The following NCALD variants were observed in gnomAD, a reference collection of about 807,000 sequenced individuals.
NCALD encodes the protein neurocalcin delta, also known as neurocalcin-delta.
NCALD carries 10 observed loss-of-function variants against 18.6 expected under a neutral mutation model. The ratio of observed to expected loss-of-function variants is 0.54; its 90% CI spans 0.33 to 0.91. The LOEUF (loss-of-function observed/expected upper bound fraction) is 0.91, where lower values mean the gene tolerates loss of function less well. Ranked by LOEUF, NCALD falls within the 40% of genes least tolerant of loss-of-function variation. NCALD has a pLI of 0.03. For missense variants in NCALD, 184 were observed against 247.6 expected (o/e 0.74, Z 1.72); for synonymous variants, 88 against 87.4 (o/e 1.01, Z -0.04).
At chr8:102,091,477 T>C (rs1824921484) in intron 1 of NCALD, among the ~76,000 whole-genome samples, 1 of 152,320 alleles carries the variant, frequency 6.6e-6, no homozygotes, top group South Asian at 2.1e-4. Flanking sequence ...GGATGGGTAA[T>C]GTAAAAATCT....
intron 1 of NCALD, among the ~76,000 whole-genome samples, chr8:101,720,160 A>T (rs1371456526): frequency 1.3e-5 from 2 of 152,210 alleles, no homozygotes; most frequent in Non-Finnish European, 2.9e-5. Flanking sequence ...ATACCTTCTG[A>T]ATATTATAAA....
intron 1 of NCALD, among the ~76,000 whole-genome samples, chr8:102,079,941 C>T (rs1177707800): frequency 1.3e-5 from 2 of 152,166 alleles, no homozygotes. Context: ...GCACATCCAG[C>T]AAAGTGCCAC....
At chr8:102,105,433 T>G (rs1432538915) in intron 1 of NCALD, among the ~76,000 whole-genome samples, 1 of 152,190 alleles carries the variant, frequency 6.6e-6, no homozygotes, top group Non-Finnish European at 1.5e-5. Flanking sequence ...GTAATTATTT[T>G]GCTGCCCGGG....
chr8:102,002,442 C>A (rs950099171), intron 2 of NCALD, among the ~76,000 whole-genome samples: 1 of 152,082 alleles, frequency 6.6e-6, no homozygotes, highest in African/African-American at 2.4e-5. Flanking sequence ...ACTTTAACAC[C>A]CCACTGTCAA....
chr8:101,968,603 G>A (rs2070292285), intron 2 of NCALD, among the ~76,000 whole-genome samples: 2 of 152,088 alleles, frequency 1.3e-5, no homozygotes, highest in Admixed American at 1.3e-4. Flanking sequence ...TGTGAAAAAT[G>A]CTTGCTGTAA....
At chr8:102,109,020 G>T (rs1825563387) in intron 1 of NCALD, among the ~76,000 whole-genome samples, 1 of 152,174 alleles carries the variant, frequency 6.6e-6, no homozygotes, top group Non-Finnish European at 1.5e-5. Context: ...TCACAGCAAT[G>T]CAGGAGTGAT....
intron 4 of NCALD, among the ~76,000 whole-genome samples, chr8:101,844,767 G>A (rs2131304672): frequency 6.6e-6 from 1 of 152,274 alleles, no homozygotes; most frequent in Middle Eastern, 3.4e-3. Context: ...CCAGAGAGCG[G>A]TGAGTTCTTA....
At chr8:102,037,724 G>A (rs192006994) in intron 1 of NCALD, among the ~76,000 whole-genome samples, 1 of 151,722 alleles carries the variant, frequency 6.6e-6, no homozygotes, top group Non-Finnish European at 1.5e-5. Flanking sequence ...AAGTATTCCT[G>A]ATAGGCCACT....
At position 101,687,292 on chromosome 8, in the gene NCALD, T is replaced by A. The variant is rs1814511331; in HGVS notation, c.*2017A>T. ...GCAGGGAAAAGTGGGATGCAGCTCC[T>A]GAGCACTGCCAATAGGGCATGCTAG... On this transcript the variant is annotated 3_prime_UTR_variant, in exon 4 of 4. Coordinates refer to ENST00000220931, the MANE Select transcript of NCALD (RefSeq NM_032041.3). 6.5e-6 allele frequency: 1 copy of A among 152,740 alleles called. No homozygotes were observed. The highest frequency in any genetic ancestry group is 6.5e-5 in the Admixed American group (1 of 15,292). The allele number at this position is 152,740 out of a possible 1,614,324, so 9.5% of individuals were successfully genotyped here.
chr8:101,905,293 C>T (rs1817573890), intron 3 of NCALD, among the ~76,000 whole-genome samples: 1 of 151,900 alleles, frequency 6.6e-6, no homozygotes, highest in East Asian at 1.9e-4. Flanking sequence ...CTCTCTCTCT[C>T]TCTCTCTCTG....
At chr8:101,963,320 A>G (rs1819901976) in intron 2 of NCALD, among the ~76,000 whole-genome samples, 1 of 152,096 alleles carries the variant, frequency 6.6e-6, no homozygotes, top group East Asian at 1.9e-4. Flanking sequence ...ACACATATCC[A>G]ATCTCCTTTT....
At chr8:101,734,307 T>G (rs183787756) in intron 1 of NCALD, among the ~76,000 whole-genome samples, 1 of 152,336 alleles carries the variant, frequency 6.6e-6, no homozygotes, top group Admixed American at 6.5e-5. Flanking sequence ...ATGCCCTCCT[T>G]GGGGAGGCCT....
chr8:101,933,808 G>T (rs1167595463), intron 2 of NCALD, among the ~76,000 whole-genome samples: 2 of 152,168 alleles, frequency 1.3e-5, no homozygotes, highest in East Asian at 3.9e-4. Flanking sequence ...GGGATAGGAT[G>T]TGCAGGAATA....
intron 2 of NCALD, among the ~76,000 whole-genome samples, chr8:101,710,662 G>C (rs1815741627): frequency 1.3e-5 from 2 of 152,222 alleles, no homozygotes; most frequent in African/African-American, 4.8e-5. Flanking sequence ...GGTTTGGACT[G>C]GGCAGAGCCC....
intron 2 of NCALD, among the ~76,000 whole-genome samples, chr8:101,951,732 C>A (rs1819431715): frequency 6.6e-6 from 1 of 152,194 alleles, no homozygotes; most frequent in South Asian, 2.1e-4. Flanking sequence ...CTTCAGTTTC[C>A]TGGGTCTCGT....
chr8:101,829,336 T>C (rs1394405292), intron 4 of NCALD, among the ~76,000 whole-genome samples: 1 of 152,186 alleles, frequency 6.6e-6, no homozygotes, highest in Admixed American at 6.5e-5. Flanking sequence ...ACAAAGAACC[T>C]GGTCTATGTA....
intron 4 of NCALD, among the ~76,000 whole-genome samples, chr8:101,862,073 T>A (rs566392): frequency 2.6e-5 from 4 of 152,072 alleles, no homozygotes; most frequent in African/African-American, 9.7e-5. Context: ...TAAACAAGAC[T>A]GTTGCATTCC....
At chr8:101,832,479 C>T (rs774249521) in intron 4 of NCALD, among the ~76,000 whole-genome samples, 4 of 152,164 alleles carry the variant, frequency 2.6e-5, no homozygotes, top group African/African-American at 7.2e-5. Flanking sequence ...GTTGGACAAT[C>T]AAAAATGATT....
At chr8:101,874,043 C>T (rs1291258192) in intron 4 of NCALD, among the ~76,000 whole-genome samples, 5 of 152,166 alleles carry the variant, frequency 3.3e-5, no homozygotes, top group Admixed American at 2.6e-4. Context: ...AACATGATTC[C>T]TTCTAAATCT....
Sources: gnomAD v4.1 joint callset for allele counts (sites outside exome capture counted in the v4.1 genomes callset) on GRCh38, gnomAD v4.1.1 for gene constraint, MANE v1.5 for transcripts, NCBI Gene and HGNC (gene_info 2026-07-23, HGNC 2026-07-21) for gene names.